The following CIBAR1 variants were observed in gnomAD, a reference collection of about 807,000 sequenced individuals.
CIBAR1 encodes CBY1-interacting BAR domain-containing protein 1.
A neutral mutation model predicts 44.0 loss-of-function variants in CIBAR1; 25 were observed. The ratio of observed to expected loss-of-function variants is 0.57; its 90% CI spans 0.41 to 0.79. The LOEUF is 0.79. Among genes scored for constraint, CIBAR1 ranks in the 30% least tolerant of loss-of-function variants. CIBAR1 has a pLI of 0.00. For synonymous variants in CIBAR1, 115 were observed against 119.0 expected, an observed-to-expected ratio of 0.97 and a Z score of 0.22; for missense variants, 278 against 344.8, an observed-to-expected ratio of 0.81 and a Z score of 1.53.
intron 7 of CIBAR1, among the ~76,000 whole-genome samples, chr8:93,719,227 T>G (rs1811152813): frequency 6.6e-6 from 1 of 152,186 alleles, no homozygotes. Flanking sequence ...ATAGATGAAC[T>G]TTTATGATTT....
chr8:93,707,002 C>T (rs1000621024), intron 4 of CIBAR1, among the ~76,000 whole-genome samples: 5 of 152,180 alleles, frequency 3.3e-5, no homozygotes, highest in African/African-American at 1.2e-4. Flanking sequence ...TCTGCCTGCT[C>T]ACCCCCCAAG....
intron 8 of CIBAR1, chr8:93,726,729 A>AT (rs963978911): frequency 5.6e-5 from 29 of 515,540 alleles, no homozygotes; most frequent in African/African-American, 5.0e-4. Context: ...TCTCTAAAGC[A>AT]TAACACTTGA....
intron 6 of CIBAR1, among the ~76,000 whole-genome samples, chr8:93,713,033 C>CTTTTT (rs149552672): frequency 1.6e-5 from 2 of 128,812 alleles, no homozygotes; most frequent in Non-Finnish European, 3.1e-5. Flanking sequence ...CCTTTTTTTT[C>CTTTTT]TTTTTTTTTT....
At position 93,705,003 on chromosome 8, in the gene CIBAR1, A is replaced by G. The variant is rs1007704084; in HGVS notation, c.425A>G (p.His142Arg). 2.5e-6 allele frequency: 4 copies of G among 1,609,594 alleles called. No individual in the cohort carries two copies. The highest frequency in any genetic ancestry group is 1.1e-5 in the South Asian group (1 of 90,766). Residue 142 changes from histidine (H) to arginine (R), a missense_variant, in exon 4 of 9, where the codon CAT (histidine) becomes CGT (arginine). Around this residue, in one of 3 missense-constraint regions of CIBAR1, gnomAD observed 183 missense variants for 218.6 expected, o/e 0.84. Transcript: ENST00000518322. The stretch of plus-strand genomic sequence containing the variant: ...CGTCAGCGAAACCCATCTGATCGAC[A>G]TGTTATTGTATCCTTTGAATTTGGG... ...RTRQRNPSDR[H>R]VISQAETELQ...
In CIBAR1 at chr8:93,704,901, A is replaced by T. The variant is rs746040765; in HGVS notation, c.331-8A>T. ...CATTTTTACTAACAAAAAAATGCCA[A>T]TTTGCAGGATGACCTCAAAGCAACA... On this transcript the variant is annotated splice_region_variant and splice_polypyrimidine_tract_variant and intron_variant, in intron 3 of 8. Coordinates refer to ENST00000518322, the MANE Select transcript of CIBAR1 (RefSeq NM_145269.5). The T allele has an allele frequency of 5.2e-6, 8 of 1,548,100 alleles. No homozygotes were observed. The highest frequency in any genetic ancestry group is 7.0e-6 in the Non-Finnish European group (8 of 1,147,702).
Position 93,727,857 on chromosome 8 carries a change from A to T in CIBAR1, c.778-348A>T, listed in dbSNP as rs540930677. Among the ~76,000 whole-genome samples the T allele has an allele frequency of 1.5e-4, 23 of 152,166 alleles. No homozygotes were observed. The East Asian group carries it at 4.4e-3, about 29-fold the overall frequency. On this transcript the variant is annotated intron_variant, in intron 8 of 8. Transcript: ENST00000518322. The stretch of plus-strand genomic sequence containing the variant: ...CACTGCCTAGCTGAAATATCCTTCT[A>T]TTTTTGCCATCCATTTTATGATTCT...
intron 6 of CIBAR1, among the ~76,000 whole-genome samples, chr8:93,713,778 A>G (rs960587501): frequency 1.3e-5 from 2 of 152,204 alleles, no homozygotes; most frequent in Non-Finnish European, 2.9e-5. Context: ...CTTTGTTGAA[A>G]ATCAGTTGAT....
chr8:93,703,964 C>T lies in CIBAR1; in HGVS notation c.330+276C>T, dbSNP rs192846331. Among the ~76,000 whole-genome samples the T allele has an allele frequency of 2.6e-4, 39 of 151,214 alleles. No homozygotes were observed. In the East Asian group the frequency reaches 6.8e-3, roughly 26 times the overall value. On this transcript the variant is annotated intron_variant, in intron 3 of 8. Coordinates refer to ENST00000518322, the MANE Select transcript of CIBAR1 (RefSeq NM_145269.5). ...CTGTAATCCCAGCTACTCAGGAGGC[C>T]GAGGCAAGAAAATCGCTTGAACCCA...
chr8:93,708,746 A>G (rs1485290168), intron 5 of CIBAR1, among the ~76,000 whole-genome samples: 1 of 152,230 alleles, frequency 6.6e-6, no homozygotes, highest in African/African-American at 2.4e-5. Context: ...ATATTATAGA[A>G]TTAGGAATAT....
chr8:93,719,200 A>T (rs888619630), intron 7 of CIBAR1, among the ~76,000 whole-genome samples: 2 of 152,192 alleles, frequency 1.3e-5, no homozygotes, highest in Admixed American at 6.5e-5. Flanking sequence ...TATAGTGGTT[A>T]TTATGTGTAA....
Position 93,729,744 on chromosome 8 carries a change from C to T in CIBAR1, c.*1447C>T, listed in dbSNP as rs571816456. The T allele has an allele frequency of 6.6e-6, 1 of 152,222 alleles. No homozygotes were observed. Among genetic ancestry groups the T allele is most frequent in the East Asian group, 1.9e-4 (1 of 5,188 alleles). The allele number at this position is 152,222 out of a possible 1,614,324, so 9.4% of individuals were successfully genotyped here. Reference sequence around the variant, plus strand: ...TTTAGGCAAATTCAAGACTATTATACAGGTAACTATGTAACCATGTAAGAC... The same window carrying T: ...TTTAGGCAAATTCAAGACTATTATATAGGTAACTATGTAACCATGTAAGAC... On this transcript the variant is annotated 3_prime_UTR_variant, in exon 9 of 9. Coordinates refer to ENST00000518322, the MANE Select transcript of CIBAR1 (RefSeq NM_145269.5).
At chr8:93,701,844 G>A (rs1284465660) in intron 2 of CIBAR1, 1 of 224,584 alleles carries the variant, frequency 4.5e-6, no homozygotes, top group East Asian at 1.2e-4. Context: ...GAATGGTAAT[G>A]TGGATGGATA....
chr8:93,704,081 AGAAAT>A (rs1179266492), intron 3 of CIBAR1, among the ~76,000 whole-genome samples: 1 of 151,752 alleles, frequency 6.6e-6, no homozygotes, highest in Non-Finnish European at 1.5e-5. Flanking sequence ...AAAAAAGAAA[AGAAAT>A]ACAAAGTAGT....
intron 6 of CIBAR1, among the ~76,000 whole-genome samples, chr8:93,717,378 A>G (rs1302095514): frequency 6.6e-6 from 1 of 152,202 alleles, no homozygotes. Context: ...CCAAAATTGT[A>G]TTTTAGCATA....
intron 7 of CIBAR1, chr8:93,721,216 G>A (rs1811249928): frequency 6.6e-6 from 1 of 152,192 alleles, no homozygotes; most frequent in South Asian, 2.1e-4. Flanking sequence ...TTTCCTGCAA[G>A]AAGTAACACT....
chr8:93,703,670 C>A lies in CIBAR1; in HGVS notation c.312C>A (p.Thr104=). Residue 104 remains threonine, a synonymous_variant, in exon 3 of 9, where the codon ACC becomes ACA. Transcript: ENST00000518322. ...TTGAACCCTTGAAAACTTATGGGAC[C>A]ATTGTGAAAATGAAACGGGTAAGTA... ...KVVEPLKTYG[T]IVKMKRDDLK... is the part of the protein sequence containing the mutation. The A allele has an allele frequency of 6.4e-7, 1 of 1,552,982 alleles. No homozygotes were observed. Among genetic ancestry groups the A allele is most frequent in the African/African-American group, 1.4e-5 (1 of 73,270 alleles).
chr8:93,712,093 C>A (rs1185308648), intron 6 of CIBAR1, among the ~76,000 whole-genome samples: 2 of 152,176 alleles, frequency 1.3e-5, no homozygotes, highest in East Asian at 1.9e-4. Flanking sequence ...AAGAAACTTA[C>A]ACTTTAAAAA....
At chr8:93,709,661 C>G (rs1221477577) in intron 5 of CIBAR1, 110 bp from the exon 6 acceptor site, 2 of 788,328 alleles carry the variant, frequency 2.5e-6, no homozygotes, top group Admixed American at 4.0e-5. Context: ...ACAATTTACA[C>G]TGTTATGCCA....
chr8:93,719,964 A>AT (rs900999614), intron 7 of CIBAR1: 3,934 of 135,930 alleles, frequency 0.029, 108 homozygotes, highest in African/African-American at 0.062. Context: ...GATTCCCCCG[A>AT]TTTTTTTTTT....
Sources: allele counts gnomAD v4.1 joint callset (sites outside exome capture counted in the v4.1 genomes callset), GRCh38; gene constraint gnomAD v4.1.1; regional missense constraint gnomAD v4.1.1; transcripts MANE v1.5; gene names NCBI Gene and HGNC (gene_info 2026-07-23, HGNC 2026-07-21).